The following UNC13C variants were observed in gnomAD, a reference collection of about 807,000 sequenced individuals.
The protein encoded by UNC13C is unc-13 homolog C.
UNC13C carries 174 observed loss-of-function variants against 245.4 expected under a neutral mutation model. That is an observed-to-expected ratio of 0.71 (90% CI 0.63 to 0.80). The LOEUF (loss-of-function observed/expected upper bound fraction) is 0.80, where lower values mean the gene tolerates loss of function less well. Among genes scored for constraint, UNC13C ranks in the 30% least tolerant of loss-of-function variants. The probability of loss-of-function intolerance (pLI) is 0.00; values close to 1 mark genes in which losing one functional copy is unlikely to be tolerated. For synonymous variants in UNC13C, 992 were observed against 895.1 expected, an observed-to-expected ratio of 1.11 and a Z score of -1.93; for missense variants, 2,829 against 2,602.9, an observed-to-expected ratio of 1.09 and a Z score of -1.89.
intron 2 of UNC13C, among the ~76,000 whole-genome samples, chr15:54,136,111 A>G (rs1199125031): frequency 1.3e-5 from 2 of 152,140 alleles, no homozygotes; most frequent in South Asian, 2.1e-4. Context: ...GTAAGTATTT[A>G]ACATTTTGAT....
At chr15:54,210,144 A>G (rs2034834571) in intron 4 of UNC13C, among the ~76,000 whole-genome samples, 1 of 150,524 alleles carries the variant, frequency 6.6e-6, no homozygotes. Context: ...CCTGACATAT[A>G]GTTGTTGTTC....
At chr15:54,365,907 T>A (rs1427068219) in intron 17 of UNC13C, among the ~76,000 whole-genome samples, 1 of 152,200 alleles carries the variant, frequency 6.6e-6, no homozygotes, top group African/African-American at 2.4e-5. Flanking sequence ...TGAGTTTTTA[T>A]AAGGGAAGGA....
intron 19 of UNC13C, among the ~76,000 whole-genome samples, chr15:54,431,517 G>T (rs944029163): frequency 6.6e-6 from 1 of 151,544 alleles, no homozygotes; most frequent in African/African-American, 2.4e-5. Context: ...GAAATTTGAT[G>T]TCAAATATTT....
At chr15:54,549,930 GACAAA>G in intron 28 of UNC13C, among the ~76,000 whole-genome samples, 1 of 152,200 alleles carries the variant, frequency 6.6e-6, no homozygotes, top group Non-Finnish European at 1.5e-5. Context: ...TGTGAACAAA[GACAAA>G]ATGGAACACT....
chr15:54,391,130 A>G (rs1021938256), intron 17 of UNC13C, among the ~76,000 whole-genome samples: 8 of 152,120 alleles, frequency 5.3e-5, no homozygotes, highest in African/African-American at 1.9e-4. Context: ...TGCAAAAATG[A>G]TAAGTGGCTG....
At chr15:54,559,569 G>C (rs1897220408) in intron 29 of UNC13C, among the ~76,000 whole-genome samples, 1 of 152,010 alleles carries the variant, frequency 6.6e-6, no homozygotes, top group African/African-American at 2.4e-5. Context: ...TTGGAGATGA[G>C]AGCACCTGCC....
At chr15:54,617,611 T>C (rs1384819792) in intron 30 of UNC13C, among the ~76,000 whole-genome samples, 1 of 152,096 alleles carries the variant, frequency 6.6e-6, no homozygotes, top group East Asian at 1.9e-4. Context: ...GTAGCCATTA[T>C]TGTTATCACT....
chr15:54,229,848 G>A (rs900846118), intron 4 of UNC13C, among the ~76,000 whole-genome samples: 2 of 152,008 alleles, frequency 1.3e-5, no homozygotes, highest in Non-Finnish European at 2.9e-5. Context: ...ACATTTTTAG[G>A]TTGCACATGT....
chr15:54,399,759 A>T (rs1252438469), intron 18 of UNC13C, among the ~76,000 whole-genome samples: 2 of 151,930 alleles, frequency 1.3e-5, no homozygotes, highest in Non-Finnish European at 2.9e-5. Context: ...TTCAAATTGC[A>T]TGTTTTTAAA....
chr15:54,143,443 CA>C (rs66664315), intron 3 of UNC13C, among the ~76,000 whole-genome samples, 176 bp from the exon 4 acceptor site: 3,383 of 152,256 alleles, frequency 0.022, 125 homozygotes, highest in African/African-American at 0.078. Flanking sequence ...CAGCTAATTT[CA>C]AAACCTCTAC....
intron 2 of UNC13C, among the ~76,000 whole-genome samples, chr15:54,064,220 C>T (rs182929725): frequency 2.0e-3 from 303 of 152,240 alleles, no homozygotes; most frequent in African/African-American, 7.1e-3. Flanking sequence ...CATATGGCTA[C>T]CTAGTGGCAA....
At chr15:54,167,128 A>T (rs563537279) in intron 4 of UNC13C, among the ~76,000 whole-genome samples, 1 of 152,346 alleles carries the variant, frequency 6.6e-6, no homozygotes. Context: ...TATGAGAGTG[A>T]AAGATATGAA....
Position 54,564,390 on chromosome 15 carries a change from A to C in UNC13C, c.5959-3410A>C, listed in dbSNP as rs540022195. ...GACCTTTGGGTTTTCCTCATGTACA[A>C]GCACACACCTTATTTATGATTTCAT... On this transcript the variant is annotated intron_variant, in intron 29 of 32. Coordinates refer to ENST00000260323, the MANE Select transcript of UNC13C (RefSeq NM_001080534.3). 2.0e-5 allele frequency among the ~76,000 whole-genome samples: 3 copies of C among 152,160 alleles called. No individual in the cohort carries two copies. The South Asian group carries it at 6.2e-4, about 32-fold the overall frequency.
intron 4 of UNC13C, among the ~76,000 whole-genome samples, chr15:54,220,629 A>G (rs1257824385): frequency 6.6e-6 from 1 of 151,304 alleles, no homozygotes; most frequent in Non-Finnish European, 1.5e-5. Flanking sequence ...AAAAAAATGC[A>G]TCTTAATAAC....
At chr15:54,242,189 T>C (rs2035871296) in intron 7 of UNC13C, among the ~76,000 whole-genome samples, 1 of 152,178 alleles carries the variant, frequency 6.6e-6, no homozygotes, top group Non-Finnish European at 1.5e-5. Context: ...GATTTCCTTT[T>C]TTTCCTTCTC....
chr15:54,367,669 G>T lies in UNC13C; in HGVS notation c.4714-25379G>T, dbSNP rs1431420258. ...TCCAACAAATTATAGCATAATAAAA[G>T]CTGCTTTTAACCTCTCCTTCATTCT... On this transcript the variant is annotated intron_variant, in intron 17 of 32. Coordinates refer to ENST00000260323, the MANE Select transcript of UNC13C (RefSeq NM_001080534.3). 2.0e-5 allele frequency among the ~76,000 whole-genome samples: 3 copies of T among 152,206 alleles called. No individual in the cohort carries two copies. In the East Asian group the frequency reaches 5.8e-4, roughly 29 times the overall value.
At chr15:54,327,871 G>C (rs902302720) in intron 14 of UNC13C, among the ~76,000 whole-genome samples, 1 of 152,054 alleles carries the variant, frequency 6.6e-6, no homozygotes, top group Non-Finnish European at 1.5e-5. Flanking sequence ...CAAAGGGAAG[G>C]CTCCCAAGTC....
intron 4 of UNC13C, among the ~76,000 whole-genome samples, chr15:54,208,076 T>G (rs554049467): frequency 6.6e-6 from 1 of 152,210 alleles, no homozygotes; most frequent in South Asian, 2.1e-4. Context: ...TGGTGAGGGC[T>G]TTGGGAAGTT....
intron 17 of UNC13C, among the ~76,000 whole-genome samples, chr15:54,363,677 G>A (rs1450136823): frequency 6.6e-6 from 1 of 152,124 alleles, no homozygotes; most frequent in Non-Finnish European, 1.5e-5. Flanking sequence ...CTAATTGGAG[G>A]GGTGAGACTG....
Sources: allele counts gnomAD v4.1 joint callset (sites outside exome capture counted in the v4.1 genomes callset), GRCh38; gene constraint gnomAD v4.1.1; transcripts MANE v1.5; gene names NCBI Gene and HGNC (gene_info 2026-07-23, HGNC 2026-07-21).